The following ADAM2 variants were observed in gnomAD, a reference collection of about 807,000 sequenced individuals.
ADAM2 encodes disintegrin and metalloproteinase domain-containing protein 2.
Under a neutral mutation model 99.3 loss-of-function variants are expected in ADAM2, and 101 were observed. That is an observed-to-expected ratio of 1.02 (90% confidence interval 0.87 to 1.20). The LOEUF is 1.20. ADAM2 is among the 50% of genes most tolerant of loss of function. ADAM2 has a pLI of 0.00. For synonymous variants in ADAM2, 323 were observed against 287.6 expected (o/e 1.12, Z -1.25); for missense variants, 948 against 878.7 (o/e 1.08, Z -1.00).
chr8:39,808,647 G>A (rs1586135723), intron 7 of ADAM2, among the ~76,000 whole-genome samples: 2 of 152,228 alleles, frequency 1.3e-5, no homozygotes, highest in African/African-American at 4.8e-5. Flanking sequence ...GCCAGGCACA[G>A]TGGCTCACGC....
intron 16 of ADAM2, among the ~76,000 whole-genome samples, chr8:39,752,172 C>G (rs1457916393): frequency 6.6e-6 from 1 of 152,134 alleles, no homozygotes; most frequent in Non-Finnish European, 1.5e-5. Context: ...CAGTGGCCAC[C>G]AATGACCAAG....
intron 14 of ADAM2, among the ~76,000 whole-genome samples, chr8:39,761,829 C>T (rs1351345488): frequency 6.6e-6 from 1 of 152,052 alleles, no homozygotes; most frequent in Non-Finnish European, 1.5e-5. Flanking sequence ...TGCCTGTAAC[C>T]CCAGGACTTT....
At chr8:39,769,645 T>C in intron 11 of ADAM2, 70 bp from the exon 12 acceptor site, 2 of 1,043,760 alleles carry the variant, frequency 1.9e-6, no homozygotes, top group Non-Finnish European at 2.8e-6. Context: ...AGAATAAACC[T>C]ATACAACAGC....
intron 19 of ADAM2, among the ~76,000 whole-genome samples, chr8:39,745,754 A>T (rs911120592): frequency 3.3e-5 from 5 of 152,070 alleles, no homozygotes; most frequent in Non-Finnish European, 7.4e-5. Context: ...ACTACCTTTC[A>T]TTAAAATAGC....
At chr8:39,767,908 A>ACACG (rs1802631891) in intron 12 of ADAM2, among the ~76,000 whole-genome samples, 1 of 151,868 alleles carries the variant, frequency 6.6e-6, no homozygotes, top group Non-Finnish European at 1.5e-5. Context: ...ACACACACAC[A>ACACG]CACACACACA....
At chr8:39,787,992 T>C (rs987660642) in intron 9 of ADAM2, 93 bp downstream of exon 9, 3 of 858,580 alleles carry the variant, frequency 3.5e-6, no homozygotes, top group Non-Finnish European at 4.8e-6. Context: ...AAAAATAGAT[T>C]TTTTTAATAC....
intron 10 of ADAM2, among the ~76,000 whole-genome samples, chr8:39,780,175 C>T (rs945627054): frequency 3.3e-5 from 5 of 151,952 alleles, no homozygotes; most frequent in Non-Finnish European, 7.4e-5. Flanking sequence ...AGGGGATCTC[C>T]CCTTTATGAA....
chr8:39,785,162 C>G (rs1803410827), intron 10 of ADAM2, among the ~76,000 whole-genome samples: 1 of 152,210 alleles, frequency 6.6e-6, no homozygotes, highest in Non-Finnish European at 1.5e-5. Context: ...AGGTCTTCTT[C>G]TAGAACCCCT....
chr8:39,761,381 G>T, intron 14 of ADAM2, 100 bp from the exon 15 acceptor site: 1 of 583,154 alleles, frequency 1.7e-6, no homozygotes. Flanking sequence ...GATATTCATT[G>T]TACAAAATAA....
intron 7 of ADAM2, among the ~76,000 whole-genome samples, chr8:39,800,933 T>C (rs1266858592): frequency 1.3e-5 from 2 of 152,170 alleles, no homozygotes; most frequent in African/African-American, 4.8e-5. Flanking sequence ...TCTGACCTTT[T>C]ATCAAGGTTC....
chr8:39,837,096 C>T (rs908640316), intron 2 of ADAM2, 40 bp downstream of exon 2: 2 of 1,480,670 alleles, frequency 1.4e-6, no homozygotes, highest in Non-Finnish European at 1.9e-6. Context: ...AAAATCTTTA[C>T]ATCATTTTAA....
intron 7 of ADAM2, among the ~76,000 whole-genome samples, chr8:39,790,707 A>G (rs1259590005): frequency 6.6e-6 from 1 of 152,040 alleles, no homozygotes; most frequent in Non-Finnish European, 1.5e-5. Context: ...ACATTTCAAT[A>G]AAGATTTTTA....
At chr8:39,782,901 T>A (rs531951901) in intron 10 of ADAM2, among the ~76,000 whole-genome samples, 2 of 152,268 alleles carry the variant, frequency 1.3e-5, no homozygotes, top group South Asian at 4.1e-4. Flanking sequence ...ATTTCCTACT[T>A]TATAGCGTCT....
At chr8:39,749,793 G>A (rs1425507000) in intron 16 of ADAM2, 49 bp from the exon 17 acceptor site, 1 of 1,464,744 alleles carries the variant, frequency 6.8e-7, no homozygotes. Context: ...ATCTAGAGTT[G>A]CCATTTAATT....
intron 1 of ADAM2, among the ~76,000 whole-genome samples, chr8:39,837,847 C>T (rs1464586110): frequency 6.6e-6 from 1 of 152,052 alleles, no homozygotes; most frequent in Admixed American, 6.6e-5. Context: ...CTTTCACTGT[C>T]GTGAAAAATG....
rs768553575 is a variant in ADAM2, at chr8:39,766,869, A to G, written c.1486T>C (p.Cys496Arg). ...ATACCTTTGCCAAATGTGTCTGTAC[A>G]TTGTTTATCCCCACTCATACAAACT... ...DGVCMSGDKQCTDTFGKEVEF... is the reference protein window; with the variant it reads ...DGVCMSGDKQRTDTFGKEVEF... The change falls in exon 14 of 21, where the codon TGT (cysteine) becomes CGT (arginine). Residue 496 changes from cysteine (C) to arginine (R), a missense_variant. Coordinates refer to ENST00000265708, the MANE Select transcript of ADAM2 (RefSeq NM_001464.5). 8.7e-6 allele frequency: 14 copies of G among 1,604,152 alleles called. No homozygotes were observed. The highest frequency in any genetic ancestry group is 1.2e-5 in the Non-Finnish European group (14 of 1,173,470).
intron 15 of ADAM2, among the ~76,000 whole-genome samples, chr8:39,758,426 A>C (rs1203829401): frequency 6.6e-6 from 1 of 152,168 alleles, no homozygotes. Context: ...ATAGAAAATG[A>C]TAAGCCAAAT....
intron 7 of ADAM2, among the ~76,000 whole-genome samples, chr8:39,801,892 G>A (rs185501218): frequency 1.3e-5 from 2 of 152,256 alleles, no homozygotes. Flanking sequence ...AGCAGCCTGG[G>A]ACTATAGAAA....
intron 2 of ADAM2, 93 bp downstream of exon 2, chr8:39,837,043 A>T (rs1239765082): frequency 2.3e-6 from 2 of 885,052 alleles, no homozygotes; most frequent in Non-Finnish European, 1.7e-6. Flanking sequence ...AAAATTCAAC[A>T]GGTGTGCATG....
Sources: allele counts gnomAD v4.1 joint callset (sites outside exome capture counted in the v4.1 genomes callset), GRCh38; gene constraint gnomAD v4.1.1; transcripts MANE v1.5; gene names NCBI Gene and HGNC (gene_info 2026-07-23, HGNC 2026-07-21).